Variants in UGT1A10 observed in about 807,000 individuals in gnomAD.
UGT1A10 encodes UDP-glucuronosyltransferase 1A10.
In UGT1A10, 49 loss-of-function variants were observed where a neutral mutation model predicts 45.8. The ratio of observed to expected loss-of-function variants is 1.07; its 90% confidence interval spans 0.85 to 1.36. The LOEUF (loss-of-function observed/expected upper bound fraction) is 1.36, where lower values mean the gene tolerates loss of function less well. UGT1A10 is among the 40% of genes most tolerant of loss of function. UGT1A10 has a pLI of 0.00. For synonymous variants in UGT1A10, 284 were observed against 249.7 expected, an observed-to-expected ratio of 1.14 and a Z score of -1.29; for missense variants, 745 against 668.6, an observed-to-expected ratio of 1.11 and a Z score of -1.26.
chr2:233,762,122 C>T (rs1697975314), intron 1 of UGT1A10, among the ~76,000 whole-genome samples: 1 of 152,090 alleles, frequency 6.6e-6, no homozygotes, highest in South Asian at 2.1e-4. Flanking sequence ...CATCATGAGC[C>T]ATGTGGGGAC....
intron 1 of UGT1A10, among the ~76,000 whole-genome samples, chr2:233,679,214 T>G (rs573307529): frequency 1.3e-5 from 2 of 152,224 alleles, no homozygotes; most frequent in East Asian, 3.8e-4. Flanking sequence ...GGGTTCTGGG[T>G]GGCTAGGGAA....
intron 1 of UGT1A10, among the ~76,000 whole-genome samples, chr2:233,649,695 T>G (rs539312398): frequency 7.2e-5 from 11 of 152,308 alleles, no homozygotes; most frequent in Non-Finnish European, 1.2e-4. Context: ...CCAGGTGTTT[T>G]TCTGCTAAAG....
intron 1 of UGT1A10, chr2:233,682,701 C>T (rs543841942): frequency 3.1e-6 from 5 of 1,613,766 alleles, no homozygotes; most frequent in South Asian, 2.2e-5. Context: ...TTGTTGCGAA[C>T]TGACTTTGTT....
intron 1 of UGT1A10, chr2:233,730,038 C>T (rs1559375450): frequency 6.2e-7 from 1 of 1,612,872 alleles, no homozygotes; most frequent in East Asian, 2.2e-5. Flanking sequence ...AGGCAAAACA[C>T]TTTTTAAAAA....
intron 1 of UGT1A10, among the ~76,000 whole-genome samples, chr2:233,724,946 C>T (rs1421347433): frequency 3.5e-5 from 5 of 144,538 alleles, no homozygotes; most frequent in African/African-American, 5.3e-5. Flanking sequence ...TCTGCAATCC[C>T]GGCACCTCGG....
chr2:233,760,805 A>C (rs1464812223), intron 1 of UGT1A10: 1 of 1,613,342 alleles, frequency 6.2e-7, no homozygotes, highest in Admixed American at 1.7e-5. Context: ...TTCTTCTTGC[A>C]TGCACTGCCA....
At chr2:233,701,908 G>A (rs1360609190) in intron 1 of UGT1A10, among the ~76,000 whole-genome samples, 2 of 151,992 alleles carry the variant, frequency 1.3e-5, no homozygotes. Context: ...ATCTAAAATT[G>A]ACACCCTAAC....
chr2:233,733,202 C>A (rs1192097385), intron 1 of UGT1A10, among the ~76,000 whole-genome samples: 2 of 152,102 alleles, frequency 1.3e-5, no homozygotes, highest in Non-Finnish European at 2.9e-5. Context: ...CTTAAGGAGA[C>A]TTTGGGCTGA....
intron 1 of UGT1A10, among the ~76,000 whole-genome samples, chr2:233,722,899 G>T (rs1015320069): frequency 7.8e-6 from 1 of 128,092 alleles, no homozygotes; most frequent in South Asian, 3.1e-4. Flanking sequence ...AGTGGAAGTG[G>T]ATCATCATAA....
intron 1 of UGT1A10, among the ~76,000 whole-genome samples, chr2:233,646,354 T>C (rs2073602936): frequency 6.6e-6 from 1 of 152,198 alleles, no homozygotes; most frequent in African/African-American, 2.4e-5. Context: ...AACATTCGGC[T>C]CCTCATTACT....
At chr2:233,751,848 C>A (rs1317042286) in intron 1 of UGT1A10, among the ~76,000 whole-genome samples, 1 of 152,136 alleles carries the variant, frequency 6.6e-6, no homozygotes, top group African/African-American at 2.4e-5. Context: ...GTCATTTAAA[C>A]CTTTGTCTTT....
intron 1 of UGT1A10, among the ~76,000 whole-genome samples, chr2:233,697,158 A>G (rs1026412563): frequency 6.6e-6 from 1 of 152,018 alleles, no homozygotes; most frequent in Non-Finnish European, 1.5e-5. Flanking sequence ...AACTGGTATT[A>G]ATTCTTTTAA....
intron 1 of UGT1A10, among the ~76,000 whole-genome samples, chr2:233,666,240 G>A (rs73996165): frequency 4.3e-4 from 66 of 152,248 alleles, no homozygotes; most frequent in African/African-American, 1.5e-3. Context: ...ACTGGGAGGG[G>A]GCACTAGGTC....
intron 1 of UGT1A10, chr2:233,747,471 G>A (rs1218539477): frequency 1.9e-5 from 31 of 1,608,712 alleles, no homozygotes; most frequent in Non-Finnish European, 2.4e-5. Context: ...ATGGACCCAG[G>A]ATGAATTTGA....
intron 1 of UGT1A10, among the ~76,000 whole-genome samples, chr2:233,720,100 C>T (rs1458548805): frequency 2.0e-5 from 3 of 152,132 alleles, no homozygotes; most frequent in African/African-American, 7.2e-5. Flanking sequence ...TTAGTGGTCC[C>T]ATCTTGCGAA....
chr2:233,640,085 C>G (rs953296669), intron 1 of UGT1A10, among the ~76,000 whole-genome samples: 15 of 152,116 alleles, frequency 9.9e-5, no homozygotes, highest in African/African-American at 3.4e-4. Flanking sequence ...CTGTGCTTTC[C>G]CCATTGCTCT....
chr2:233,644,602 T>G (rs1165486776), intron 1 of UGT1A10, among the ~76,000 whole-genome samples: 1 of 150,330 alleles, frequency 6.7e-6, no homozygotes, highest in Non-Finnish European at 1.5e-5. Context: ...ATAAACGCTC[T>G]CTCAGTGGGT....
At chr2:233,705,525 C>T (rs550344536) in intron 1 of UGT1A10, among the ~76,000 whole-genome samples, 2 of 152,190 alleles carry the variant, frequency 1.3e-5, no homozygotes, top group South Asian at 4.1e-4. Flanking sequence ...GGGGAGATTA[C>T]CTTCAGCTGT....
intron 1 of UGT1A10, among the ~76,000 whole-genome samples, chr2:233,644,950 C>T (rs2073559184): frequency 1.3e-5 from 2 of 152,210 alleles, no homozygotes; most frequent in Admixed American, 1.3e-4. Context: ...ACATAGAAAA[C>T]TGTGTGTAAT....
Sources: allele counts gnomAD v4.1 joint callset (sites outside exome capture counted in the v4.1 genomes callset), GRCh38; gene constraint gnomAD v4.1.1; transcripts MANE v1.5; gene names NCBI Gene and HGNC (gene_info 2026-07-23, HGNC 2026-07-21).